The following MKNK1 variants were observed in gnomAD, a reference collection of about 807,000 sequenced individuals.
The protein encoded by MKNK1 is MAPK interacting serine/threonine kinase 1.
Under a neutral mutation model 49.3 loss-of-function variants are expected in MKNK1, and 30 were observed. The ratio of observed to expected loss-of-function variants is 0.61; its 90% CI spans 0.46 to 0.83. The LOEUF (loss-of-function observed/expected upper bound fraction) is 0.83, where lower values mean the gene tolerates loss of function less well. Among genes scored for constraint, MKNK1 ranks in the 40% least tolerant of loss-of-function variants. The pLI, the probability that MKNK1 is intolerant of heterozygous loss-of-function variation, is 0.00. For synonymous variants in MKNK1, 176 were observed against 201.7 expected, an observed-to-expected ratio of 0.87 and a Z score of 1.08; for missense variants, 423 against 524.7, an observed-to-expected ratio of 0.81 and a Z score of 1.89.
chr1:46,602,130 G>A lies in MKNK1; in HGVS notation c.-171+2055C>T, dbSNP rs1192481417. ...GGGAGTGTTTGAGAAACAGAGATTT[G>A]GCCGGGCACGTTGGCTCACATCTGT... is the stretch of plus-strand genomic sequence containing the variant. On this transcript the variant is annotated intron_variant, in intron 1 of 12. Coordinates refer to ENST00000371945, the MANE Select transcript of MKNK1 (RefSeq NM_001135553.4). Among the ~76,000 whole-genome samples the A allele has an allele frequency of 1.3e-5, 2 of 152,194 alleles. 1 individual carries two copies.
At chr1:46,562,008 C>T (rs1162951559) in intron 10 of MKNK1, among the ~76,000 whole-genome samples, 2 of 152,200 alleles carry the variant, frequency 1.3e-5, no homozygotes, top group African/African-American at 2.4e-5. Context: ...TTCCTAGACA[C>T]TCCAGCTATT....
At chr1:46,579,261 T>C (rs1194764974) in intron 4 of MKNK1, among the ~76,000 whole-genome samples, 1 of 152,208 alleles carries the variant, frequency 6.6e-6, no homozygotes, top group East Asian at 1.9e-4. Context: ...AAACATTTCC[T>C]TCAGGAGCCC....
At chr1:46,585,848 T>C (rs776029709) in intron 2 of MKNK1, 1 of 1,205,702 alleles carries the variant, frequency 8.3e-7, no homozygotes, top group South Asian at 1.2e-5. Context: ...ATTTTATGGC[T>C]TCACACACAC....
At position 46,560,901 on chromosome 1, in the gene MKNK1, A is replaced by T. The variant is rs3766244; in HGVS notation, c.969+577T>A. ...GAGCCTGGCACACCAAGGAGACCAGAAAGTCATGGGAGCATCTGGCAGACC... is the reference window on the plus strand; with the variant it reads ...GAGCCTGGCACACCAAGGAGACCAGTAAGTCATGGGAGCATCTGGCAGACC... On this transcript the variant is annotated intron_variant, in intron 11 of 12. Transcript: ENST00000371945. Among the ~76,000 whole-genome samples, 804 of 152,340 alleles carry T rather than the reference A, an allele frequency of 5.3e-3. 9 individuals are homozygous for T. The highest frequency in any genetic ancestry group is 0.032 in the South Asian group (154 of 4,826).
intron 6 of MKNK1, among the ~76,000 whole-genome samples, chr1:46,572,881 T>C (rs925146056): frequency 2.0e-5 from 3 of 152,022 alleles, no homozygotes; most frequent in Non-Finnish European, 4.4e-5. Flanking sequence ...AGCACAAACT[T>C]TCAAATGGAA....
chr1:46,576,759 G>C (rs931366832), intron 4 of MKNK1, 105 bp from the exon 5 acceptor site: 32 of 964,120 alleles, frequency 3.3e-5, no homozygotes, highest in Non-Finnish European at 4.8e-5. Context: ...TCCAAATCCA[G>C]TGTCCAGCAG....
intron 3 of MKNK1, chr1:46,582,923 T>C (rs527352343): frequency 1.8e-6 from 1 of 545,962 alleles, no homozygotes; most frequent in African/African-American, 1.9e-5. Flanking sequence ...AAGAATCACA[T>C]CTGAAAAAAG....
At chr1:46,582,313 G>A (rs1671865135) in intron 3 of MKNK1, among the ~76,000 whole-genome samples, 1 of 152,168 alleles carries the variant, frequency 6.6e-6, no homozygotes. Flanking sequence ...GTTTATAAGA[G>A]CAGATGGCAC....
intron 6 of MKNK1, among the ~76,000 whole-genome samples, chr1:46,572,509 C>T (rs1036751320): frequency 2.6e-5 from 4 of 152,002 alleles, no homozygotes; most frequent in Non-Finnish European, 4.4e-5. Flanking sequence ...TGAGCCACTG[C>T]GCCTGGCCGT....
At chr1:46,566,885 C>T (rs768360231) in intron 8 of MKNK1, among the ~76,000 whole-genome samples, 12 of 152,166 alleles carry the variant, frequency 7.9e-5, no homozygotes, top group Non-Finnish European at 1.6e-4. Flanking sequence ...GATATTAAAC[C>T]TTGACCAGAT....
chr1:46,584,860 A>G (rs1351894218), intron 2 of MKNK1: 1 of 152,210 alleles, frequency 6.6e-6, no homozygotes, highest in Non-Finnish European at 1.5e-5. Context: ...AAACACACAG[A>G]TAAAAGAAAT....
chr1:46,572,586 G>A (rs1020359406), intron 6 of MKNK1, among the ~76,000 whole-genome samples: 3 of 152,030 alleles, frequency 2.0e-5, no homozygotes, highest in Non-Finnish European at 4.4e-5. Flanking sequence ...GGGATTCATC[G>A]CTGACTCATC....
chr1:46,585,754 T>C, intron 2 of MKNK1: 1 of 551,566 alleles, frequency 1.8e-6, no homozygotes, highest in Non-Finnish European at 3.6e-6. Context: ...CGACAATTTA[T>C]ACTTGGTCTT....
chr1:46,568,160 A>G, intron 8 of MKNK1: 1 of 338,946 alleles, frequency 3.0e-6, no homozygotes, highest in South Asian at 6.0e-5. Flanking sequence ...CCATCAACTG[A>G]TATAAAGATA....
chr1:46,576,490 G>A, intron 5 of MKNK1, 85 bp downstream of exon 5: 3 of 1,121,496 alleles, frequency 2.7e-6, no homozygotes, highest in Non-Finnish European at 2.7e-6. Flanking sequence ...GCTAAATGCT[G>A]GAGTCAGGAG....
chr1:46,598,016 G>A (rs554301703), intron 1 of MKNK1, among the ~76,000 whole-genome samples: 1 of 152,296 alleles, frequency 6.6e-6, no homozygotes, highest in South Asian at 2.1e-4. Flanking sequence ...CTGGATTCTG[G>A]CTTTAAGTAC....
intron 7 of MKNK1, chr1:46,569,579 G>A (rs956652334): frequency 1.3e-5 from 2 of 152,236 alleles, no homozygotes. Flanking sequence ...AAACTCCGTC[G>A]GTGATCAACT....
At chr1:46,580,373 G>A (rs1016138918) in intron 4 of MKNK1, 157 bp downstream of exon 4, 1 of 615,906 alleles carries the variant, frequency 1.6e-6, no homozygotes, top group Non-Finnish European at 2.9e-6. Flanking sequence ...TAAGTAACTT[G>A]CCCGAGGTAC....
intron 12 of MKNK1, among the ~76,000 whole-genome samples, chr1:46,559,065 G>C (rs2148524775): frequency 6.6e-6 from 1 of 152,314 alleles, no homozygotes; most frequent in East Asian, 1.9e-4. Flanking sequence ...CCTCCTCTGA[G>C]CTCCCACAAC....
Sources: gnomAD v4.1 joint callset for allele counts (sites outside exome capture counted in the v4.1 genomes callset) on GRCh38, gnomAD v4.1.1 for gene constraint, MANE v1.5 for transcripts, NCBI Gene and HGNC (gene_info 2026-07-23, HGNC 2026-07-21) for gene names.